The following PRKCH variants were observed in gnomAD, a reference collection of about 807,000 sequenced individuals.
The protein encoded by PRKCH is protein kinase C eta type.
PRKCH carries 28 observed loss-of-function variants against 82.5 expected under a neutral mutation model. That is an observed-to-expected ratio of 0.34 (90% confidence interval 0.25 to 0.47). The LOEUF is 0.47. Ranked by LOEUF, PRKCH falls within the 20% of genes least tolerant of loss-of-function variation. The pLI is 1.00. For synonymous variants in PRKCH, 322 were observed against 327.4 expected (o/e 0.98, Z 0.18); for missense variants, 705 against 881.8 (o/e 0.80, Z 2.54).
intron 1 of PRKCH, among the ~76,000 whole-genome samples, chr14:61,388,724 T>C (rs188745644): frequency 4.6e-5 from 7 of 152,322 alleles, no homozygotes; most frequent in Admixed American, 3.3e-4. Flanking sequence ...TGTTTAGTCA[T>C]CTCTCTAGAG....
At chr14:61,373,499 G>A (rs796092128) in intron 1 of PRKCH, among the ~76,000 whole-genome samples, 2 of 151,950 alleles carry the variant, frequency 1.3e-5, no homozygotes, top group South Asian at 4.1e-4. Context: ...TGAGATGAGT[G>A]GGGACACAGA....
intron 10 of PRKCH, among the ~76,000 whole-genome samples, chr14:61,516,533 C>T (rs932699269): frequency 2.0e-5 from 3 of 152,140 alleles, no homozygotes; most frequent in East Asian, 1.9e-4. Flanking sequence ...AGTGTCTCCA[C>T]GTGTAAGTAC....
chr14:61,405,860 T>A (rs1445873087), intron 2 of PRKCH, among the ~76,000 whole-genome samples: 1 of 152,224 alleles, frequency 6.6e-6, no homozygotes, highest in Non-Finnish European at 1.5e-5. Flanking sequence ...TGATGATACT[T>A]CTTGTTTCAT....
In PRKCH at chr14:61,188,761, C is replaced by G. The variant is rs371611494; in HGVS notation, c.-19+1093C>G. Among the ~76,000 whole-genome samples, 3 of 133,884 alleles carry G rather than the reference C, an allele frequency of 2.2e-5. No homozygotes were observed. In the East Asian group the frequency reaches 6.9e-4, roughly 31 times the overall value. 87.8% of individuals were successfully genotyped at this position (133,884 alleles called of 152,430 possible). ...TGTGATGGAGTTTTGCTCTTGTTGC[C>G]CAGGCTGGAGTGCAGTGGCAGCAAT... On this transcript the variant is annotated intron_variant, in intron 1 of 3. Transcript: ENST00000555185.
intron 10 of PRKCH, among the ~76,000 whole-genome samples, chr14:61,506,088 A>G (rs1259391934): frequency 6.6e-6 from 1 of 152,156 alleles, no homozygotes; most frequent in African/African-American, 2.4e-5. Flanking sequence ...GTTCAGTCTT[A>G]CATTTCAATA....
chr14:61,264,089 A>G (rs2045075121), intron 1 of PRKCH, among the ~76,000 whole-genome samples: 1 of 152,152 alleles, frequency 6.6e-6, no homozygotes, highest in African/African-American at 2.4e-5. Flanking sequence ...ATTATAGCCA[A>G]GCAGAATCTC....
At chr14:61,471,152 C>A (rs1017716429) in intron 9 of PRKCH, among the ~76,000 whole-genome samples, 1 of 152,274 alleles carries the variant, frequency 6.6e-6, no homozygotes, top group Non-Finnish European at 1.5e-5. Flanking sequence ...AGGCTAATAG[C>A]AGCAGATCTG....
chr14:61,275,121 C>CA (rs2045190520), intron 1 of PRKCH, among the ~76,000 whole-genome samples: 1 of 152,178 alleles, frequency 6.6e-6, no homozygotes, highest in Non-Finnish European at 1.5e-5. Flanking sequence ...TTATTAAAAT[C>CA]ATAACAAGTA....
chr14:61,320,489 C>G (rs1032147263), upstream of PRKCH, among the ~76,000 whole-genome samples: 2 of 152,174 alleles, frequency 1.3e-5, no homozygotes. Flanking sequence ...ATTCCAGCTA[C>G]TCGGGAGGCT....
At chr14:61,494,691 T>C (rs950657775) in intron 10 of PRKCH, among the ~76,000 whole-genome samples, 2 of 152,242 alleles carry the variant, frequency 1.3e-5, no homozygotes, top group African/African-American at 4.8e-5. Context: ...TGCTGTCACC[T>C]GATTTGGGTT....
Position 61,280,204 on chromosome 14 carries a change from G to A in PRKCH, c.-19+92536G>A. The stretch of plus-strand genomic sequence containing the variant: ...GACCAGGTAGGCGATGCCCAGGAAG[G>A]GGTTCTTGCCACCCATCCACGAGAT... On this transcript the variant is annotated intron_variant, in intron 1 of 3. Transcript: ENST00000555185. This position sits in a 1 kb window ranked among gnomAD's most constrained non-coding sequence, Gnocchi z 5.0. 1.2e-6 allele frequency: 2 copies of A among 1,614,114 alleles called. No homozygotes were observed. The highest frequency in any genetic ancestry group is 1.7e-6 in the Non-Finnish European group (2 of 1,180,004).
At chr14:61,456,450 C>T (rs1281179612) in intron 7 of PRKCH, among the ~76,000 whole-genome samples, 2 of 152,068 alleles carry the variant, frequency 1.3e-5, no homozygotes, top group Admixed American at 6.5e-5. Context: ...ATTGAATAGC[C>T]GTTAGAACTC....
At chr14:61,229,259 A>G (rs1566787664) in intron 1 of PRKCH, among the ~76,000 whole-genome samples, 1 of 152,196 alleles carries the variant, frequency 6.6e-6, no homozygotes. Flanking sequence ...TATACAAGGC[A>G]GTGTTTAAGA....
intron 1 of PRKCH, among the ~76,000 whole-genome samples, chr14:61,337,561 C>T (rs1206113241): frequency 1.3e-5 from 2 of 152,192 alleles, no homozygotes; most frequent in African/African-American, 4.8e-5. Flanking sequence ...GCTGGGACTA[C>T]AGTCGTGCAC....
At chr14:61,536,814 T>C (rs1419563664) in intron 12 of PRKCH, among the ~76,000 whole-genome samples, 1 of 152,092 alleles carries the variant, frequency 6.6e-6, no homozygotes, top group Non-Finnish European at 1.5e-5. Flanking sequence ...TAATCTAATA[T>C]TACTGTCCCC....
intron 1 of PRKCH, among the ~76,000 whole-genome samples, chr14:61,208,999 G>A (rs942275605): frequency 6.6e-6 from 1 of 152,110 alleles, no homozygotes; most frequent in African/African-American, 2.4e-5. Context: ...AGGTGGGATC[G>A]TTAAGAGTTG....
intron 1 of PRKCH, among the ~76,000 whole-genome samples, chr14:61,196,918 C>T (rs2044446147): frequency 6.6e-6 from 1 of 152,140 alleles, no homozygotes; most frequent in Non-Finnish European, 1.5e-5. Flanking sequence ...CACCTGCAGG[C>T]TTATTGCATC....
chr14:61,457,865 C>T (rs1443429332), intron 9 of PRKCH, among the ~76,000 whole-genome samples, 186 bp downstream of exon 9: 7 of 152,208 alleles, frequency 4.6e-5, no homozygotes, highest in Non-Finnish European at 1.0e-4. Flanking sequence ...CTTATGAATT[C>T]ACCCCTTCCC....
rs1327079624 is a variant in PRKCH at position 61,388,319 on chromosome 14, C to T, written c.364-2906C>T. 2.0e-5 allele frequency among the ~76,000 whole-genome samples: 3 copies of T among 152,178 alleles called. No individual in the cohort carries two copies. The East Asian group carries it at 5.8e-4, about 29-fold the overall frequency. On this transcript the variant is annotated intron_variant, in intron 1 of 13. Coordinates refer to ENST00000332981, the MANE Select transcript of PRKCH (RefSeq NM_006255.5). ...AACACTTGAAGACCGTGTTTAAATC[C>T]GGCTTTTCCACCACAGTGGGTGACA...
Sources: allele counts gnomAD v4.1 joint callset (sites outside exome capture counted in the v4.1 genomes callset), GRCh38; gene constraint gnomAD v4.1.1; non-coding constraint Gnocchi (gnomAD v3.1); transcripts MANE v1.5; gene names NCBI Gene and HGNC (gene_info 2026-07-23, HGNC 2026-07-21).